Variants in TNR observed in about 807,000 individuals in gnomAD.
TNR encodes the protein tenascin-R.
A neutral mutation model predicts 150.4 loss-of-function variants in TNR; 45 were observed. The observed-to-expected ratio is 0.30, with a 90% CI of 0.24 to 0.38. TNR has a LOEUF of 0.38. TNR is among the 10% of genes least tolerant of loss of function. TNR has a pLI of 1.00. For missense variants in TNR, 1,544 were observed against 1,759.1 expected (o/e 0.88, Z 2.19); for synonymous variants, 687 against 678.4 (o/e 1.01, Z -0.20).
intron 2 of TNR, among the ~76,000 whole-genome samples, chr1:175,428,020 A>G: frequency 6.6e-6 from 1 of 152,100 alleles, no homozygotes. Context: ...TTTTTAGATA[A>G]AAATCCTATC....
intron 1 of TNR, among the ~76,000 whole-genome samples, chr1:175,657,759 G>C (rs1482348669): frequency 9.1e-6 from 1 of 109,490 alleles, no homozygotes; most frequent in Non-Finnish European, 1.8e-5. Context: ...ATCACACACT[G>C]GGGCCTGTTG....
intron 1 of TNR, among the ~76,000 whole-genome samples, chr1:175,581,568 G>A (rs1013621432): frequency 1.3e-5 from 2 of 152,194 alleles, no homozygotes; most frequent in Non-Finnish European, 2.9e-5. Context: ...ATGGGGTGGT[G>A]CAGAGAAAAT....
chr1:175,648,090 G>A (rs764713600), intron 1 of TNR, among the ~76,000 whole-genome samples: 10 of 151,770 alleles, frequency 6.6e-5, no homozygotes, highest in African/African-American at 1.5e-4. Flanking sequence ...TATATTTTAC[G>A]TTCTCTTCTC....
intron 1 of TNR, among the ~76,000 whole-genome samples, chr1:175,554,339 CA>C (rs5778860): frequency 0.41 from 47,477 of 114,634 alleles, 8,034 homozygotes; most frequent in East Asian, 0.6. Context: ...TCCTACATGG[CA>C]AAAAAAAAAA....
chr1:175,551,342 C>T (rs530799230), intron 1 of TNR, among the ~76,000 whole-genome samples: 15 of 152,076 alleles, frequency 9.9e-5, no homozygotes, highest in Non-Finnish European at 1.9e-4. Flanking sequence ...GATATTAAGC[C>T]CTCAGTCTCA....
intron 1 of TNR, among the ~76,000 whole-genome samples, chr1:175,663,354 A>T (rs763629325): frequency 2.0e-5 from 3 of 152,214 alleles, no homozygotes; most frequent in Non-Finnish European, 2.9e-5. Flanking sequence ...GCACTTTAGG[A>T]GCAGGGGGAA....
intron 1 of TNR, among the ~76,000 whole-genome samples, chr1:175,668,298 T>C (rs1008543119): frequency 5.9e-5 from 9 of 152,166 alleles, no homozygotes; most frequent in African/African-American, 2.2e-4. Flanking sequence ...CCACACGTTT[T>C]GGTAGACCTC....
intron 8 of TNR, among the ~76,000 whole-genome samples, chr1:175,385,302 C>T (rs1034120948): frequency 1.3e-5 from 2 of 152,166 alleles, no homozygotes; most frequent in Admixed American, 1.3e-4. Context: ...GACTGATGGG[C>T]ACTGAGAGAG....
chr1:175,722,863 C>T (rs1667347328), intron 1 of TNR, among the ~76,000 whole-genome samples: 1 of 151,942 alleles, frequency 6.6e-6, no homozygotes, highest in Admixed American at 6.6e-5. Flanking sequence ...ACAATCTCAG[C>T]TCACTGCAAC....
At chr1:175,684,068 T>C (rs1421688673) in intron 1 of TNR, among the ~76,000 whole-genome samples, 1 of 152,180 alleles carries the variant, frequency 6.6e-6, no homozygotes, top group African/African-American at 2.4e-5. Flanking sequence ...CTGGCTGCAC[T>C]ATTAGGGAGA....
At chr1:175,473,605 T>C (rs999485757) in intron 2 of TNR, among the ~76,000 whole-genome samples, 1 of 152,160 alleles carries the variant, frequency 6.6e-6, no homozygotes, top group African/African-American at 2.4e-5. Context: ...AAGGCCCAAA[T>C]GTCTACAGAG....
At chr1:175,576,484 T>A (rs1321475123) in intron 1 of TNR, among the ~76,000 whole-genome samples, 1 of 152,130 alleles carries the variant, frequency 6.6e-6, no homozygotes, top group East Asian at 1.9e-4. Context: ...CTATCACCAA[T>A]GATCAGAAAT....
intron 1 of TNR, among the ~76,000 whole-genome samples, chr1:175,541,731 G>T (rs1013453449): frequency 9.9e-5 from 15 of 152,156 alleles, no homozygotes; most frequent in Non-Finnish European, 1.5e-4. Flanking sequence ...GGGATGCCAG[G>T]TGTGGAGAAA....
chr1:175,586,453 A>T (rs560614209), intron 1 of TNR, among the ~76,000 whole-genome samples: 1 of 152,156 alleles, frequency 6.6e-6, no homozygotes, highest in East Asian at 1.9e-4. Context: ...GGCATCCGCC[A>T]CCATGGCCGG....
At chr1:175,630,165 A>T (rs749688831) in intron 1 of TNR, among the ~76,000 whole-genome samples, 4 of 152,192 alleles carry the variant, frequency 2.6e-5, no homozygotes, top group Non-Finnish European at 5.9e-5. Context: ...TGCTGAAAAA[A>T]TATCAAGAGC....
intron 1 of TNR, among the ~76,000 whole-genome samples, chr1:175,683,075 T>C (rs1488161933): frequency 2.6e-5 from 4 of 152,134 alleles, no homozygotes; most frequent in Non-Finnish European, 5.9e-5. Context: ...TGTGGGCCTG[T>C]GACAGTTCTT....
chr1:175,563,032 G>A (rs1229164575), intron 1 of TNR, among the ~76,000 whole-genome samples: 1 of 152,198 alleles, frequency 6.6e-6, no homozygotes, highest in African/African-American at 2.4e-5. Flanking sequence ...ACCCCATGCA[G>A]AGTCAGCCAA....
intron 2 of TNR, among the ~76,000 whole-genome samples, chr1:175,427,965 C>G (rs930223453): frequency 6.6e-6 from 1 of 150,868 alleles, no homozygotes; most frequent in Non-Finnish European, 1.5e-5. Flanking sequence ...CTCCCAGCAC[C>G]AAAAAATGCA....
rs112073664 is a variant in TNR at position 175,376,210 on chromosome 1, A to G, written c.1963+3342T>C. The stretch of plus-strand genomic sequence containing the variant: ...GCAAGGTTCTAAACCACTAGGCCAC[A>G]TGGACTAAAGGAGGACATCCTAAAC... On this transcript the variant is annotated intron_variant, in intron 9 of 22. Coordinates refer to ENST00000367674, the MANE Select transcript of TNR (RefSeq NM_003285.3). Among the ~76,000 whole-genome samples the G allele has an allele frequency of 2.7e-3, 416 of 152,298 alleles. 4 individuals are homozygous for G. The highest frequency in any genetic ancestry group is 9.6e-3 in the African/African-American group (398 of 41,572).
Sources: allele counts gnomAD v4.1 joint callset (sites outside exome capture counted in the v4.1 genomes callset), GRCh38; gene constraint gnomAD v4.1.1; transcripts MANE v1.5; gene names NCBI Gene and HGNC (gene_info 2026-07-23, HGNC 2026-07-21).